The following HSPA4L variants were observed in gnomAD, a reference collection of about 807,000 sequenced individuals.
HSPA4L encodes the protein heat shock protein family A (Hsp70) member 4 like.
HSPA4L carries 48 observed loss-of-function variants against 100.3 expected under a neutral mutation model. The observed-to-expected ratio is 0.48, with a 90% CI of 0.38 to 0.61. HSPA4L has a LOEUF of 0.61. Ranked by LOEUF, HSPA4L falls within the 20% of genes least tolerant of loss-of-function variation. The probability of loss-of-function intolerance (pLI) is 0.00; values close to 1 mark genes in which losing one functional copy is unlikely to be tolerated. For missense variants in HSPA4L, 886 were observed against 988.6 expected (o/e 0.90, Z 1.39); for synonymous variants, 319 against 328.2 (o/e 0.97, Z 0.30).
In HSPA4L at chr4:127,801,458, CGTGTGTGTGTGTGTGTGTGTGT is replaced by C. The variant is rs33966471; in HGVS notation, c.529+244_529+265del. ...AAAAAATTTGATATATATAAAAATACGTGTGTGTGTGTGTGTGTGTGTGTGTGTGTGTGTGTGTGTGTGTATG... is the reference window on the plus strand; with the variant it reads ...AAAAAATTTGATATATATAAAAATACGTGTGTGTGTGTGTGTGTGTGTATG... On this transcript the variant is annotated intron_variant, in intron 5 of 18. Transcript: ENST00000296464. Among the ~76,000 whole-genome samples the C allele has an allele frequency of 5.5e-5, 8 of 144,854 alleles. No individual in the cohort carries two copies. In the East Asian group the frequency reaches 1.7e-3, roughly 30 times the overall value.
At chr4:127,830,154 TTC>T (rs1313566264) in intron 17 of HSPA4L, among the ~76,000 whole-genome samples, 1 of 152,200 alleles carries the variant, frequency 6.6e-6, no homozygotes, top group Non-Finnish European at 1.5e-5. Context: ...TTCTTTGTGA[TTC>T]TGTCACTACT....
rs781172779 is a variant in HSPA4L, at chr4:127,830,820, CCT to C, written c.2328+22_2328+23del. 4.7e-6 allele frequency: 7 copies of C among 1,493,632 alleles called. No individual in the cohort carries two copies. In the East Asian group the frequency reaches 1.7e-4, roughly 37 times the overall value. The allele number at this position is 1,493,632 out of a possible 1,614,324, so 92.5% of individuals were successfully genotyped here. A position where few individuals can be genotyped will look rare whatever the true frequency, so the allele number is the denominator to read the frequency against. On this transcript the variant is annotated intron_variant, in intron 18 of 18. Coordinates refer to ENST00000296464, the MANE Select transcript of HSPA4L (RefSeq NM_014278.4). ...CAAAGGTAAGAAGTTTATGAAATTG[CCT>C]TTTTAATGGTTTCAAGTATTAAAAT...
intron 12 of HSPA4L, among the ~76,000 whole-genome samples, chr4:127,812,056 T>C (rs1283077507): frequency 6.6e-6 from 1 of 152,128 alleles, no homozygotes; most frequent in Non-Finnish European, 1.5e-5. Flanking sequence ...TCAGGGTTTA[T>C]TTGGGGGACA....
At chr4:127,795,703 C>A in intron 2 of HSPA4L, 65 bp from the exon 3 acceptor site, 1 of 1,515,594 alleles carries the variant, frequency 6.6e-7, no homozygotes, top group Non-Finnish European at 9.1e-7. Context: ...TTGTCAAGTA[C>A]TAGGATAGAA....
rs1265143890 is a variant in HSPA4L, at chr4:127,805,133, C to T, written c.1046C>T (p.Ala349Val). ...EIVGGATRIP[A>V]VKEQITKFFL... is the part of the protein sequence containing the mutation. ...GTAGGAGGAGCAACACGAATTCCTG[C>T]AGTGAAAGAACAAATCACTAAATTC... The change falls in exon 9 of 19, where the codon GCA (alanine) becomes GTA (valine). Residue 349 changes from alanine (A) to valine (V), a missense_variant. Transcript: ENST00000296464. The T allele has an allele frequency of 6.2e-7, 1 of 1,611,318 alleles. No individual in the cohort carries two copies. The highest frequency in any genetic ancestry group is 1.7e-5 in the Admixed American group (1 of 59,946).
chr4:127,790,854 G>A (rs1732854991), intron 1 of HSPA4L, among the ~76,000 whole-genome samples: 1 of 152,234 alleles, frequency 6.6e-6, no homozygotes, highest in African/African-American at 2.4e-5. Context: ...GCCAGGTACA[G>A]TGGCTGACAC....
intron 6 of HSPA4L, among the ~76,000 whole-genome samples, chr4:127,802,792 T>TATACATGG (rs754299906): frequency 1.3e-5 from 2 of 152,190 alleles, no homozygotes; most frequent in Non-Finnish European, 2.9e-5. Flanking sequence ...ATGAGAGGTC[T>TATACATGG]ATACATGGAT....
At chr4:127,784,849 AAC>A (rs1313990128) in intron 1 of HSPA4L, among the ~76,000 whole-genome samples, 1 of 152,254 alleles carries the variant, frequency 6.6e-6, no homozygotes, top group Non-Finnish European at 1.5e-5. Context: ...AGTATTTAAT[AAC>A]ACACATAAAT....
intron 1 of HSPA4L, among the ~76,000 whole-genome samples, chr4:127,793,640 C>G (rs918544306): frequency 1.3e-5 from 2 of 152,196 alleles, no homozygotes; most frequent in Admixed American, 1.3e-4. Flanking sequence ...CTCACATAAC[C>G]ATATGAGCAG....
chr4:127,784,768 A>T (rs1041338366), intron 1 of HSPA4L, among the ~76,000 whole-genome samples: 6 of 152,256 alleles, frequency 3.9e-5, no homozygotes, highest in African/African-American at 1.4e-4. Context: ...ACATTTATCC[A>T]TCAATTCAAC....
intron 1 of HSPA4L, among the ~76,000 whole-genome samples, chr4:127,787,937 T>G (rs1185969837): frequency 6.6e-6 from 1 of 152,184 alleles, no homozygotes; most frequent in African/African-American, 2.4e-5. Flanking sequence ...GATGAAACTT[T>G]ATTTACAAAA....
In HSPA4L at chr4:127,836,892, CTTAAGTTATTGGTAAA is replaced by C. The variant is rs1250005420; in HGVS notation, c.*4019_*4034del. On this transcript the variant is annotated 3_prime_UTR_variant, in exon 19 of 19. Coordinates refer to ENST00000296464, the MANE Select transcript of HSPA4L (RefSeq NM_014278.4). ...ACAAATTATAGATTTAGAAATGATT[CTTAAGTTATTGGTAAA>C]ATATAACTTTCTCAGTTTTTAAAAG... 1 of 151,910 alleles carries C rather than the reference CTTAAGTTATTGGTAAA, an allele frequency of 6.6e-6. No homozygotes were observed. The highest frequency in any genetic ancestry group is 1.5e-5 in the Non-Finnish European group (1 of 67,976). 9.4% of individuals were successfully genotyped at this position (151,910 alleles called of 1,614,324 possible). A position where few individuals can be genotyped will look rare whatever the true frequency, so the allele number is the denominator to read the frequency against.
intron 2 of HSPA4L, 152 bp downstream of exon 2, chr4:127,794,286 A>C: frequency 1.9e-6 from 1 of 515,722 alleles, no homozygotes; most frequent in Non-Finnish European, 3.4e-6. Context: ...TTGTTTTTTT[A>C]AGATATAATT....
intron 12 of HSPA4L, among the ~76,000 whole-genome samples, chr4:127,815,953 G>C (rs2148794062): frequency 1.3e-5 from 2 of 152,272 alleles, no homozygotes; most frequent in East Asian, 3.9e-4. Flanking sequence ...ATAACAAATA[G>C]AAAGGCACTG....
intron 4 of HSPA4L, 31 bp downstream of exon 4, chr4:127,798,740 G>A: frequency 6.2e-7 from 1 of 1,603,132 alleles, no homozygotes; most frequent in Non-Finnish European, 8.5e-7. Flanking sequence ...GAATACCCTT[G>A]AATTATATTT....
At chr4:127,804,749 G>A (rs1173225016) in intron 8 of HSPA4L, among the ~76,000 whole-genome samples, 2 of 151,774 alleles carry the variant, frequency 1.3e-5, no homozygotes, top group African/African-American at 4.8e-5. Context: ...AAGGATTTTG[G>A]TAATCAATTA....
At chr4:127,816,957 AATTAGAGTT>A (rs1241360134) in intron 12 of HSPA4L, among the ~76,000 whole-genome samples, 1 of 152,178 alleles carries the variant, frequency 6.6e-6, no homozygotes, top group Non-Finnish European at 1.5e-5. Context: ...GTAATACAAA[AATTAGAGTT>A]AATAACTCAA....
chr4:127,815,220 C>T (rs1254297391), intron 12 of HSPA4L, among the ~76,000 whole-genome samples: 1 of 151,532 alleles, frequency 6.6e-6, no homozygotes, highest in Non-Finnish European at 1.5e-5. Flanking sequence ...CATTGATTTT[C>T]CCGAAAAATC....
intron 14 of HSPA4L, 122 bp from the exon 15 acceptor site, chr4:127,822,647 C>A: frequency 1.1e-6 from 1 of 913,840 alleles, no homozygotes; most frequent in Non-Finnish European, 1.6e-6. Context: ...TCCACATCCT[C>A]ATGAATACTT....
Sources: gnomAD v4.1 joint callset for allele counts (sites outside exome capture counted in the v4.1 genomes callset) on GRCh38, gnomAD v4.1.1 for gene constraint, MANE v1.5 for transcripts, NCBI Gene and HGNC (gene_info 2026-07-23, HGNC 2026-07-21) for gene names.